AFDN: variants seen among roughly 807,000 people sequenced by gnomAD.
The protein encoded by AFDN is afadin, adherens junction formation factor.
In AFDN, 68 loss-of-function variants were observed where a neutral mutation model predicts 216.6. That is an observed-to-expected ratio of 0.31 (90% CI 0.26 to 0.38). The LOEUF is 0.38. AFDN is among the 10% of genes least tolerant of loss of function. AFDN has a pLI of 1.00. For missense variants in AFDN, 2,136 were observed against 2,342.0 expected (o/e 0.91, Z 1.82); for synonymous variants, 868 against 853.7 (o/e 1.02, Z -0.29).
chr6:167,879,462 GAGAGTTAAAGAAGCC>G (rs1785840492), intron 5 of AFDN, among the ~76,000 whole-genome samples: 1 of 152,170 alleles, frequency 6.6e-6, no homozygotes, highest in Non-Finnish European at 1.5e-5. Flanking sequence ...TGAGAAAATT[GAGAGTTAAAGAAGCC>G]AGAGTGCATA....
chr6:167,864,356 A>G (rs757273719), intron 1 of AFDN, 195 bp from the exon 2 acceptor site: 2 of 760,216 alleles, frequency 2.6e-6, no homozygotes, highest in Admixed American at 3.4e-5. Flanking sequence ...TGAGGCAAAG[A>G]GAAATTGTTA....
At chr6:167,907,851 T>G (rs1399090057) in intron 13 of AFDN, among the ~76,000 whole-genome samples, 1 of 152,224 alleles carries the variant, frequency 6.6e-6, no homozygotes, top group African/African-American at 2.4e-5. Flanking sequence ...TTTCCTTGTC[T>G]TATGATTTTT....
chr6:167,849,547 A>G (rs139266628), intron 1 of AFDN, among the ~76,000 whole-genome samples: 286 of 152,250 alleles, frequency 1.9e-3, no homozygotes, highest in Admixed American at 3.1e-3. Context: ...ATCTTACCAT[A>G]TTCTTATCAT....
In AFDN at chr6:167,952,153, T is replaced by G. The variant is rs1447332701; in HGVS notation, c.4799T>G (p.Ile1600Ser). 8.1e-6 allele frequency: 13 copies of G among 1,613,944 alleles called. No individual in the cohort carries two copies. The highest frequency in any genetic ancestry group is 1.1e-5 in the Non-Finnish European group (13 of 1,180,036). ...GACGATGATGTGGACACCATGCTGA[T>G]CATGCAGCGCCTGGAGGCTGAACGA... is the stretch of plus-strand genomic sequence containing the variant. ...EEDDDVDTML[I>S]MQRLEAERRA... The change falls in exon 30 of 34, where the codon ATC (isoleucine) becomes AGC (serine). Residue 1600 changes from isoleucine (I) to serine (S), a missense_variant. Ile to Ser is a moderately radical substitution (Grantham distance 142). Coordinates refer to ENST00000683244, the MANE Select transcript of AFDN (RefSeq NM_001386888.1).
rs148950751 is a variant in AFDN, at chr6:167,951,723, A to G, written c.4369A>G (p.Asn1457Asp). 11 of 1,613,906 alleles carry G rather than the reference A, an allele frequency of 6.8e-6. No individual in the cohort carries two copies. The African/African-American group carries it at 1.5e-4, about 22-fold the overall frequency. Residue 1457 changes from asparagine (N) to aspartate (D), a missense_variant, in exon 30 of 34, where the codon AAC (asparagine) becomes GAC (aspartate). This residue lies in a region of AFDN where 981 missense variants were observed against 966.0 expected (regional missense o/e 1.02). Transcript: ENST00000683244. This position sits in a 1 kb window ranked among gnomAD's most constrained non-coding sequence, Gnocchi z 7.1. ...GGGCCAGATGCGCACTCAGTCCTTA[A>G]ACCCTGCTCCGTTTTCTCCCCTGAC... is the stretch of plus-strand genomic sequence containing the variant. ...KLGQMRTQSL[N>D]PAPFSPLTAQ... is the part of the protein sequence containing the mutation.
At chr6:167,876,075 T>C (rs62427683) in intron 5 of AFDN, among the ~76,000 whole-genome samples, 135,929 of 152,200 alleles carry the variant, frequency 0.89, 60,853 homozygotes, top group Non-Finnish European at 0.92. Context: ...CTAAATGAGA[T>C]GTAACACATT....
chr6:167,879,629 A>G (rs1159913366), intron 5 of AFDN, among the ~76,000 whole-genome samples: 2 of 152,242 alleles, frequency 1.3e-5, no homozygotes, highest in East Asian at 3.8e-4. Context: ...AAAAGTGACA[A>G]TATTATGACA....
At chr6:167,968,060 A>G (rs2128775451) in intron 32 of AFDN, among the ~76,000 whole-genome samples, 1 of 152,336 alleles carries the variant, frequency 6.6e-6, no homozygotes, top group Non-Finnish European at 1.5e-5. Flanking sequence ...GATACTCTTA[A>G]GTCTAAAAGT....
At chr6:167,944,814 A>G (rs1238940714) in intron 26 of AFDN, among the ~76,000 whole-genome samples, 2 of 152,050 alleles carry the variant, frequency 1.3e-5, no homozygotes, top group Non-Finnish European at 2.9e-5. Flanking sequence ...TAACAATGCT[A>G]GACCCATAGA....
Position 167,827,014 on chromosome 6 carries a change from C to G in AFDN, c.-119C>G, listed in dbSNP as rs1476056930. 4.3e-4 allele frequency: 116 copies of G among 267,266 alleles called. 1 individual carries two copies. The highest frequency in any genetic ancestry group is 1.1e-5 in the Non-Finnish European group (2 of 174,566). The allele number at this position is 267,266 out of a possible 1,614,324, so 16.6% of individuals were successfully genotyped here. The stretch of plus-strand genomic sequence containing the variant: ...GCGCGGCCGCGGAGGCGGAGGCAGC[C>G]GCGGAGGCGGAGGCGGCCGGCGGGG... On this transcript the variant is annotated 5_prime_UTR_variant, in exon 1 of 34. Transcript: ENST00000683244.
intron 27 of AFDN, among the ~76,000 whole-genome samples, chr6:167,947,639 G>A (rs1372439912): frequency 6.6e-6 from 1 of 152,036 alleles, no homozygotes; most frequent in African/African-American, 2.4e-5. Flanking sequence ...GAGCTACAAA[G>A]GTTTTTTTGT....
At position 167,965,760 on chromosome 6, in the gene AFDN, C is replaced by T; in HGVS notation, c.4972C>T (p.Arg1658Ter). 6.5e-7 allele frequency: 1 copy of T among 1,536,984 alleles called. No individual in the cohort carries two copies. Among genetic ancestry groups the T allele is most frequent in the Non-Finnish European group, 8.7e-7 (1 of 1,143,030 alleles). Reference protein sequence around the residue: ...RTKRDAEEKRRQEEGYYSRLE... With the variant: ...RTKRDAEEKR Reference sequence around the variant, plus strand: ...TCTTGTCTATTCCCGCCCGCAGAGGCGACAGGAAGAAGGGTATTACAGCCG... The same window carrying T: ...TCTTGTCTATTCCCGCCCGCAGAGGTGACAGGAAGAAGGGTATTACAGCCG... The change falls in exon 32 of 34, where the codon CGA (arginine) becomes TGA (stop). Residue 1658 changes from arginine to a stop codon, truncating the protein, a stop_gained. Coordinates refer to ENST00000683244, the MANE Select transcript of AFDN (RefSeq NM_001386888.1). LOFTEE classifies it high-confidence loss of function.
intron 20 of AFDN, among the ~76,000 whole-genome samples, chr6:167,917,453 A>T (rs184005366): frequency 1.3e-5 from 2 of 152,352 alleles, no homozygotes; most frequent in Admixed American, 6.5e-5. Flanking sequence ...TTGGGAAGTC[A>T]TCAGAAGGAC....
intron 32 of AFDN, chr6:167,966,369 C>CAT (rs1239995052): frequency 7.2e-6 from 8 of 1,105,120 alleles, no homozygotes; most frequent in African/African-American, 1.6e-5. Context: ...CCATGGCGAT[C>CAT]ATACTTGCCT....
At chr6:167,828,626 T>A (rs1343250909) in intron 1 of AFDN, among the ~76,000 whole-genome samples, 1 of 152,246 alleles carries the variant, frequency 6.6e-6, no homozygotes, top group Non-Finnish European at 1.5e-5. Flanking sequence ...TAGACTAGTG[T>A]ATCTTTAGAA....
At chr6:167,909,409 G>GA (rs35114107) in intron 13 of AFDN, among the ~76,000 whole-genome samples, 4 of 150,344 alleles carry the variant, frequency 2.7e-5, no homozygotes, top group Admixed American at 1.3e-4. Context: ...GTTTGCTGTT[G>GA]AAAAAAAAAT....
chr6:167,887,163 T>A (rs975212774), intron 6 of AFDN, among the ~76,000 whole-genome samples: 12 of 152,182 alleles, frequency 7.9e-5, no homozygotes, highest in Admixed American at 7.8e-4. Flanking sequence ...ATAAACTTTT[T>A]AACATCTTTT....
chr6:167,901,645 G>C (rs973042969), intron 11 of AFDN, among the ~76,000 whole-genome samples: 12 of 152,116 alleles, frequency 7.9e-5, no homozygotes, highest in African/African-American at 2.9e-4. Context: ...GCTCACCGCT[G>C]TTCCTCATGT....
intron 1 of AFDN, among the ~76,000 whole-genome samples, chr6:167,844,391 A>G (rs796864785): frequency 6.6e-6 from 1 of 152,192 alleles, no homozygotes; most frequent in African/African-American, 2.4e-5. Flanking sequence ...TTTCTGCAAC[A>G]TGCTTTATTA....
Sources: allele counts gnomAD v4.1 joint callset (sites outside exome capture counted in the v4.1 genomes callset), GRCh38; gene constraint gnomAD v4.1.1; regional missense constraint gnomAD v4.1.1; non-coding constraint Gnocchi (gnomAD v3.1); transcripts MANE v1.5; gene names NCBI Gene and HGNC (gene_info 2026-07-23, HGNC 2026-07-21).